The following GATB variants were observed in gnomAD, a reference collection of about 807,000 sequenced individuals.
The protein encoded by GATB is glutamyl-tRNA amidotransferase subunit B.
A neutral mutation model predicts 62.3 loss-of-function variants in GATB; 39 were observed. The ratio of observed to expected loss-of-function variants is 0.63; its 90% CI spans 0.48 to 0.82. The LOEUF (loss-of-function observed/expected upper bound fraction) is 0.82, where lower values mean the gene tolerates loss of function less well. Among genes scored for constraint, GATB ranks in the 40% least tolerant of loss-of-function variants. The pLI is 0.00. For synonymous variants in GATB, 276 were observed against 258.9 expected (o/e 1.07, Z -0.63); for missense variants, 670 against 684.0 (o/e 0.98, Z 0.23).
intron 12 of GATB, among the ~76,000 whole-genome samples, chr4:151,672,030 C>A (rs1737878696): frequency 6.6e-6 from 1 of 152,184 alleles, no homozygotes; most frequent in Non-Finnish European, 1.5e-5. Context: ...TGTGGAGGCC[C>A]AGTGCAGGCT....
At chr4:151,760,768 C>A in intron 1 of GATB, 39 bp downstream of exon 1, 1 of 1,524,746 alleles carries the variant, frequency 6.6e-7, no homozygotes, top group East Asian at 2.4e-5. Flanking sequence ...GCAGTTCCAC[C>A]TCACAGTTAG....
intron 9 of GATB, among the ~76,000 whole-genome samples, chr4:151,697,994 T>TATATATATATATA (rs1738522869): frequency 1.4e-5 from 2 of 138,414 alleles, no homozygotes; most frequent in African/African-American, 2.8e-5. Context: ...TATATATATA[T>TATATATATATATA]GAAATGAAGG....
chr4:151,705,083 G>A (rs1298508683), intron 7 of GATB, 102 bp downstream of exon 7: 5 of 732,700 alleles, frequency 6.8e-6, no homozygotes, highest in African/African-American at 3.5e-5. Context: ...AAGTGGAGAC[G>A]CTACGTGCCT....
intron 10 of GATB, among the ~76,000 whole-genome samples, chr4:151,685,765 C>A (rs1331164638): frequency 6.6e-6 from 1 of 152,160 alleles, no homozygotes; most frequent in Non-Finnish European, 1.5e-5. Context: ...GGATGAAAGA[C>A]CAAGAGGCGC....
In GATB at chr4:151,671,188, T is replaced by C; in HGVS notation, c.1660A>G (p.Lys554Glu). The C allele has an allele frequency of 6.2e-7, 1 of 1,614,180 alleles. No individual in the cohort carries two copies. Among genetic ancestry groups the C allele is most frequent in the East Asian group, 2.2e-5 (1 of 44,888 alleles). ...PVMIKEILEK[K>E]LSL ...TCCCAAACATCTCACAATGACAGCT[T>C]CTTCTCCAGGATCTCCTTTATCATG... is the stretch of plus-strand genomic sequence containing the variant. The change falls in exon 13 of 13, where the codon AAG (lysine) becomes GAG (glutamate). Residue 554 changes from lysine to glutamate, a missense_variant. Lys to Glu is a moderately conservative substitution (Grantham distance 56). Coordinates refer to ENST00000263985, the MANE Select transcript of GATB (RefSeq NM_004564.3).
intron 2 of GATB, chr4:151,723,326 A>G (rs1739068086): frequency 6.6e-6 from 1 of 152,242 alleles, no homozygotes; most frequent in African/African-American, 2.4e-5. Context: ...GAGATGACAC[A>G]GTTTGGTCAG....
chr4:151,710,428 T>C (rs1261523830), intron 5 of GATB, among the ~76,000 whole-genome samples: 1 of 152,232 alleles, frequency 6.6e-6, no homozygotes, highest in East Asian at 1.9e-4. Context: ...CTGGTTTCCT[T>C]TTCAGCAAAG....
chr4:151,739,705 A>T (rs532645152), intron 2 of GATB, among the ~76,000 whole-genome samples: 11 of 152,210 alleles, frequency 7.2e-5, no homozygotes, highest in Non-Finnish European at 1.3e-4. Flanking sequence ...GGCAACGGTC[A>T]TTCCCCTGCC....
chr4:151,700,529 T>C (rs1012448584), intron 9 of GATB, among the ~76,000 whole-genome samples: 2 of 152,216 alleles, frequency 1.3e-5, no homozygotes, highest in African/African-American at 2.4e-5. Flanking sequence ...AATGTAGTTA[T>C]GACTGGCCAT....
chr4:151,760,970 T>C lies in GATB; in HGVS notation c.13A>G (p.Met5Val), dbSNP rs777620235. 7 of 1,610,822 alleles carry C rather than the reference T, an allele frequency of 4.3e-6. No individual in the cohort carries two copies. Among genetic ancestry groups the C allele is most frequent in the Non-Finnish European group, 5.9e-6 (7 of 1,179,020 alleles). ...CTTCCACGGCAGCCCCAGCGCAGCATGGGCGCCGCCATTGTAACTCCAGGG... is the reference window on the plus strand; with the variant it reads ...CTTCCACGGCAGCCCCAGCGCAGCACGGGCGCCGCCATTGTAACTCCAGGG... MAAP[M>V]LRWGCRGRRW... is the part of the protein sequence containing the mutation. Residue 5 changes from methionine to valine, a missense_variant, in exon 1 of 13, where the codon ATG (methionine) becomes GTG (valine). Transcript: ENST00000263985.
intron 1 of GATB, 86 bp downstream of exon 1, chr4:151,760,721 G>A: frequency 7.7e-7 from 1 of 1,305,016 alleles, no homozygotes; most frequent in East Asian, 2.5e-5. Flanking sequence ...AAAACGTCTA[G>A]AAGCTGGGCC....
At chr4:151,731,282 T>C (rs1291364603) in intron 2 of GATB, among the ~76,000 whole-genome samples, 1 of 152,000 alleles carries the variant, frequency 6.6e-6, no homozygotes, top group Non-Finnish European at 1.5e-5. Flanking sequence ...GCCTGACTGG[T>C]TTTCGTATTT....
intron 9 of GATB, 55 bp downstream of exon 9, chr4:151,701,274 G>T: frequency 7.2e-7 from 1 of 1,391,736 alleles, no homozygotes; most frequent in South Asian, 1.8e-5. Flanking sequence ...GGCCTCTGAA[G>T]GGCACTGCCC....
chr4:151,746,287 C>T (rs929445961), intron 2 of GATB, among the ~76,000 whole-genome samples: 1 of 152,230 alleles, frequency 6.6e-6, no homozygotes, highest in Admixed American at 6.5e-5. Context: ...GGAAATATTA[C>T]TTGGCCAATT....
At chr4:151,716,277 C>CTTTTTT in intron 4 of GATB, 146 bp from the exon 5 acceptor site, 4 of 413,190 alleles carry the variant, frequency 9.7e-6, no homozygotes, top group East Asian at 5.5e-5. Context: ...TCCCTCCCAC[C>CTTTTTT]TTTTTTTTTT....
intron 2 of GATB, among the ~76,000 whole-genome samples, chr4:151,752,407 T>C (rs1017967257): frequency 7.2e-5 from 11 of 152,158 alleles, no homozygotes; most frequent in African/African-American, 2.4e-4. Context: ...TGTTTTCTAT[T>C]TTTTCACGAG....
At chr4:151,697,953 GTA>G (rs56231389) in intron 9 of GATB, among the ~76,000 whole-genome samples, 1,414 of 40,352 alleles carry the variant, frequency 0.035, 16 homozygotes, top group Non-Finnish European at 0.039. Flanking sequence ...GTGTGTGTGT[GTA>G]TATATATATA....
In GATB at chr4:151,671,083, G is replaced by C; in HGVS notation, c.*91C>G. Reference sequence around the variant, plus strand: ...GACAGGGATTGAGAGGCAGCTCTCAGGGCACATGGGCATCAGCTTTCACAG... The same window carrying C: ...GACAGGGATTGAGAGGCAGCTCTCACGGCACATGGGCATCAGCTTTCACAG... On this transcript the variant is annotated 3_prime_UTR_variant, in exon 13 of 13. Transcript: ENST00000263985. 7.0e-7 allele frequency: 1 copy of C among 1,426,302 alleles called. No individual in the cohort carries two copies. Among genetic ancestry groups the C allele is most frequent in the Non-Finnish European group, 9.8e-7 (1 of 1,022,952 alleles). The allele number at this position is 1,426,302 out of a possible 1,614,324, so 88.4% of individuals were successfully genotyped here.
Position 151,703,882 on chromosome 4 carries a change from T to C in GATB, c.976A>G (p.Met326Val), listed in dbSNP as rs755784020. 20 of 1,607,484 alleles carry C rather than the reference T, an allele frequency of 1.2e-5. No homozygotes were observed. In the East Asian group the frequency reaches 2.7e-4, roughly 21 times the overall value. Residue 326 changes from methionine (M) to valine (V), a missense_variant, in exon 8 of 13, where the codon ATG becomes GTG. By Grantham distance (21) the Met-to-Val change is conservative. Transcript: ENST00000263985. Reference protein sequence around the residue: ...FHHKLGCTMSMRDKEGKQDYR... With the variant: ...FHHKLGCTMSVRDKEGKQDYR... ...TCCTGTTTTCCTTCTTTGTCTCTCA[T>C]TGACATGGTGCACCTGCAATAGTTA... is the stretch of plus-strand genomic sequence containing the variant.
Sources: gnomAD v4.1 joint callset for allele counts (sites outside exome capture counted in the v4.1 genomes callset) on GRCh38, gnomAD v4.1.1 for gene constraint, MANE v1.5 for transcripts, NCBI Gene and HGNC (gene_info 2026-07-23, HGNC 2026-07-21) for gene names.